KPNA2: variants seen among roughly 807,000 people sequenced by gnomAD.
KPNA2 encodes the protein karyopherin subunit alpha 2.
Under a neutral mutation model 53.7 loss-of-function variants are expected in KPNA2, and 20 were observed. The ratio of observed to expected loss-of-function variants is 0.37; its 90% confidence interval spans 0.26 to 0.54. The LOEUF is 0.54. Among genes scored for constraint, KPNA2 ranks in the 20% least tolerant of loss-of-function variants. The pLI, the probability that KPNA2 is intolerant of heterozygous loss-of-function variation, is 0.83. For missense variants in KPNA2, 515 were observed against 640.3 expected (o/e 0.80, Z 2.11); for synonymous variants, 238 against 227.5 (o/e 1.05, Z -0.42).
Position 68,037,167 on chromosome 17 carries a change from C to T in KPNA2, c.35C>T (p.Ala12Val). The change falls in exon 2 of 11, where the codon GCC (alanine) becomes GTC (valine). Residue 12 changes from alanine (A) to valine (V), a missense_variant. Coordinates refer to ENST00000330459, the MANE Select transcript of KPNA2 (RefSeq NM_002266.4). The part of the protein sequence containing the change: ...STNENANTPA[A>V]RLHRFKNKGK... The stretch of plus-strand genomic sequence containing the variant: ...AACGAGAATGCTAATACACCAGCTG[C>T]CCGTCTTCACAGATTCAAGAACAAG... 6.2e-7 allele frequency: 1 copy of T among 1,613,548 alleles called. No individual in the cohort carries two copies. The highest frequency in any genetic ancestry group is 8.5e-7 in the Non-Finnish European group (1 of 1,179,788).
At chr17:68,044,139 C>G in intron 8 of KPNA2, 68 bp downstream of exon 8, 1 of 1,406,810 alleles carries the variant, frequency 7.1e-7, no homozygotes, top group South Asian at 1.2e-5. Flanking sequence ...TGATAAGCTT[C>G]TTCACGTGCA....
rs1568277205 is a variant in KPNA2, at chr17:68,043,165, C to T, written c.732C>T (p.Pro244=). Residue 244 remains proline (P), a synonymous_variant, in exon 7 of 11, where the codon CCC becomes CCT. Coordinates refer to ENST00000330459, the MANE Select transcript of KPNA2 (RefSeq NM_002266.4). ...SNLCRNKNPA[P]PIDAVEQILP... ...TTTGCCGCAACAAGAATCCTGCACC[C>T]CCGATAGATGCTGTTGAGCAGATTC... The T allele has an allele frequency of 1.9e-6, 3 of 1,614,140 alleles. No individual in the cohort carries two copies. The highest frequency in any genetic ancestry group is 3.3e-5 in the Admixed American group (2 of 60,014).
rs2071334226 is a variant in KPNA2, at chr17:68,046,589, A to G, written c.1583A>G (p.Asn528Ser). The G allele has an allele frequency of 4.4e-6, 7 of 1,594,936 alleles. No individual in the cohort carries two copies. Among genetic ancestry groups the G allele is most frequent in the African/African-American group, 1.3e-5 (1 of 74,454 alleles). ...QVQDGAPGTF[N>S]F ...CAGGATGGGGCTCCTGGGACCTTTA[A>G]CTTTTAGATCATGTAGCTGAGACAT... Residue 528 changes from asparagine (N) to serine (S), a missense_variant, in exon 11 of 11, where the codon AAC (asparagine) becomes AGC (serine). By Grantham distance (46) the Asn-to-Ser change is conservative. Transcript: ENST00000330459.
chr17:68,044,165 A>C, intron 8 of KPNA2, 94 bp downstream of exon 8: 1 of 1,298,932 alleles, frequency 7.7e-7, no homozygotes, highest in Non-Finnish European at 1.1e-6. Context: ...CTTGGGTTCT[A>C]CTAGGAGTCC....
intron 7 of KPNA2, 35 bp downstream of exon 7, chr17:68,043,398 T>C (rs2071287397): frequency 6.2e-7 from 1 of 1,603,656 alleles, no homozygotes; most frequent in South Asian, 1.1e-5. Flanking sequence ...GACATAAGTA[T>C]AAGAAGCATG....
intron 3 of KPNA2, among the ~76,000 whole-genome samples, chr17:68,038,920 CAG>C (rs2071221149): frequency 1.3e-5 from 2 of 152,154 alleles, no homozygotes; most frequent in African/African-American, 4.8e-5. Context: ...GGGGCTGAGA[CAG>C]AAGAATCACT....
At position 68,046,484 on chromosome 17, in the gene KPNA2, ATTT is replaced by A; in HGVS notation, c.1498-16_1498-14del. 6.7e-7 allele frequency: 1 copy of A among 1,491,230 alleles called. No homozygotes were observed. Among genetic ancestry groups the A allele is most frequent in the South Asian group, 1.2e-5 (1 of 85,864 alleles). 92.4% of individuals were successfully genotyped at this position (1,491,230 alleles called of 1,614,324 possible). A position where few individuals can be genotyped will look rare whatever the true frequency, so the allele number is the denominator to read the frequency against. ...GAATACTTATATCATTTTTATACTT[ATTT>A]TTTAATATATTTCCAGGAAGAGGAA... is the stretch of plus-strand genomic sequence containing the variant. On this transcript the variant is annotated splice_polypyrimidine_tract_variant and intron_variant, in intron 10 of 10. Coordinates refer to ENST00000330459, the MANE Select transcript of KPNA2 (RefSeq NM_002266.4).
chr17:68,039,795 G>T (rs1190513352), intron 3 of KPNA2, among the ~76,000 whole-genome samples: 1 of 149,200 alleles, frequency 6.7e-6, no homozygotes, highest in African/African-American at 2.5e-5. Flanking sequence ...AAAAAAAGTC[G>T]GGCATGGTAG....
At chr17:68,038,320 C>G (rs2071215301) in intron 3 of KPNA2, among the ~76,000 whole-genome samples, 1 of 152,060 alleles carries the variant, frequency 6.6e-6, no homozygotes. Flanking sequence ...GTTGGCCAGG[C>G]TAGTCTTGAA....
In KPNA2 at chr17:68,042,331, C is replaced by T. The variant is rs139852122; in HGVS notation, c.549C>T (p.Val183=). 46 of 1,614,102 alleles carry T rather than the reference C, an allele frequency of 2.8e-5. No individual in the cohort carries two copies. Among genetic ancestry groups the T allele is most frequent in the African/African-American group, 2.7e-4 (20 of 75,042 alleles). ...ATGCTCACATCAGTGAACAAGCTGT[C>T]TGGGCTCTAGGAAACATTGCAGGTA... is the stretch of plus-strand genomic sequence containing the variant. The part of the protein sequence containing the change: ...SPHAHISEQA[V]WALGNIAGDG... Residue 183 remains valine, a synonymous_variant, in exon 5 of 11, where the codon GTC becomes GTT. Transcript: ENST00000330459.
chr17:68,037,295 A>G (rs782012820), intron 2 of KPNA2, 63 bp from the exon 3 acceptor site: 3 of 1,579,304 alleles, frequency 1.9e-6, no homozygotes, highest in South Asian at 1.2e-5. Flanking sequence ...TAAAAAAAAA[A>G]TGCCCTCACT....
At chr17:68,046,199 G>A (rs1225852668) in intron 10 of KPNA2, among the ~76,000 whole-genome samples, 2 of 152,244 alleles carry the variant, frequency 1.3e-5, no homozygotes, top group East Asian at 3.9e-4. Flanking sequence ...GTCATTGTAG[G>A]AGGTGATAGA....
intron 10 of KPNA2, 104 bp downstream of exon 10, chr17:68,046,025 T>A: frequency 2.8e-6 from 2 of 721,720 alleles, no homozygotes; most frequent in South Asian, 6.3e-5. Context: ...TTGTTAAATA[T>A]AGTAAAATAT....
intron 8 of KPNA2, 101 bp downstream of exon 8, chr17:68,044,172 G>A (rs1471594638): frequency 1.6e-6 from 2 of 1,265,260 alleles, no homozygotes; most frequent in Non-Finnish European, 2.3e-6. Flanking sequence ...TCTACTAGGA[G>A]TCCTTTGCTG....
chr17:68,037,376 A>G lies in KPNA2; in HGVS notation c.94A>G (p.Ile32Val), dbSNP rs1555703938. 3.7e-6 allele frequency: 6 copies of G among 1,613,922 alleles called. No homozygotes were observed. Among genetic ancestry groups the G allele is most frequent in the African/African-American group, 2.7e-5 (2 of 75,038 alleles). ...TCTCAAGGAAATGAGGCGTCGCAGAATAGAGGTCAATGTGGAGCTGAGGAA... is the reference window on the plus strand; with the variant it reads ...TCTCAAGGAAATGAGGCGTCGCAGAGTAGAGGTCAATGTGGAGCTGAGGAA... ...KDSTEMRRRR[I>V]EVNVELRKAK... The change falls in exon 3 of 11, where the codon ATA becomes GTA. Residue 32 changes from isoleucine to valine, a missense_variant. By Grantham distance (29) the Ile-to-Val change is conservative. Coordinates refer to ENST00000330459, the MANE Select transcript of KPNA2 (RefSeq NM_002266.4).
intron 10 of KPNA2, 44 bp downstream of exon 10, chr17:68,045,965 A>G (rs782126961): frequency 7.6e-7 from 1 of 1,310,804 alleles, no homozygotes; most frequent in Non-Finnish European, 1.0e-6. Flanking sequence ...GGAAACATAA[A>G]GTCAAGGCCA....
At chr17:68,044,583 C>T (rs2071306673) in intron 9 of KPNA2, 80 bp downstream of exon 9, 2 of 1,173,102 alleles carry the variant, frequency 1.7e-6, no homozygotes, top group South Asian at 2.8e-5. Context: ...GGGAGGGCAG[C>T]TGTAAGTTTA....
At position 68,037,096 on chromosome 17, in the gene KPNA2, C is replaced by A. The variant is rs539964847; in HGVS notation, c.-23-14C>A. Reference sequence around the variant, plus strand: ...ATGATAAAGGAAATATTTTTCTCTTCCCCCATCTTTTAGCTTTCTCCCTTT... The same window carrying A: ...ATGATAAAGGAAATATTTTTCTCTTACCCCATCTTTTAGCTTTCTCCCTTT... On this transcript the variant is annotated splice_polypyrimidine_tract_variant and intron_variant, in intron 1 of 10. Transcript: ENST00000330459. 5.4e-6 allele frequency: 8 copies of A among 1,479,708 alleles called. No individual in the cohort carries two copies. The East Asian group carries it at 6.8e-5, about 13-fold the overall frequency. 91.7% of individuals were successfully genotyped at this position (1,479,708 alleles called of 1,614,324 possible).
chr17:68,045,702 TATTG>T (rs1163866217), intron 9 of KPNA2, 66 bp from the exon 10 acceptor site: 1 of 1,160,208 alleles, frequency 8.6e-7, no homozygotes, highest in African/African-American at 1.5e-5. Flanking sequence ...ATATTCAAAT[TATTG>T]ATGTTTTCTT....
Sources: allele counts gnomAD v4.1 joint callset (sites outside exome capture counted in the v4.1 genomes callset), GRCh38; gene constraint gnomAD v4.1.1; transcripts MANE v1.5; gene names NCBI Gene and HGNC (gene_info 2026-07-23, HGNC 2026-07-21).